Variants in SKOR2 observed in about 807,000 individuals in gnomAD.
The protein encoded by SKOR2 is SKI family transcriptional corepressor 2.
SKOR2 carries 47 observed loss-of-function variants against 69.1 expected under a neutral mutation model. The observed-to-expected ratio is 0.68, with a 90% CI of 0.54 to 0.87. The LOEUF (loss-of-function observed/expected upper bound fraction) is 0.87, where lower values mean the gene tolerates loss of function less well. Among genes scored for constraint, SKOR2 ranks in the 40% least tolerant of loss-of-function variants. The pLI is 0.00. For synonymous variants in SKOR2, 717 were observed against 672.6 expected, an observed-to-expected ratio of 1.07 and a Z score of -1.02; for missense variants, 1,404 against 1,472.2, an observed-to-expected ratio of 0.95 and a Z score of 0.76.
intron 1 of SKOR2, among the ~76,000 whole-genome samples, chr18:47,250,771 G>A (rs976974998): frequency 6.6e-6 from 1 of 152,142 alleles, no homozygotes. Flanking sequence ...GTCACTTTGG[G>A]TGGATCAGAG....
chr18:47,219,163 T>C (rs1355188894), intron 7 of SKOR2, among the ~76,000 whole-genome samples: 1 of 152,220 alleles, frequency 6.6e-6, no homozygotes, highest in Admixed American at 6.5e-5. Flanking sequence ...ATGCTGAGAA[T>C]AGCACTAAGG....
rs369016632 is a variant in SKOR2, at chr18:47,228,918, A to G, written c.2917+1541T>C. The stretch of plus-strand genomic sequence containing the variant: ...CCCTGCAGGCATTCTCTGAATTCAA[A>G]ATAACTGAAGTACCATGAGCTCCAG... On this transcript the variant is annotated intron_variant, in intron 6 of 8. Transcript: ENST00000425639. 6.6e-5 allele frequency among the ~76,000 whole-genome samples: 10 copies of G among 152,338 alleles called. No individual in the cohort carries two copies. In the East Asian group the frequency reaches 1.2e-3, roughly 18 times the overall value.
intron 7 of SKOR2, among the ~76,000 whole-genome samples, chr18:47,214,731 G>T (rs1392650040): frequency 6.6e-6 from 1 of 152,040 alleles, no homozygotes; most frequent in Non-Finnish European, 1.5e-5. Flanking sequence ...AATTGATGGT[G>T]CTTCAGATTC....
intron 4 of SKOR2, among the ~76,000 whole-genome samples, chr18:47,240,880 C>T (rs552263140): frequency 2.0e-5 from 3 of 152,170 alleles, no homozygotes; most frequent in African/African-American, 7.2e-5. Flanking sequence ...AATTGCATAC[C>T]GACTTATCAG....
chr18:47,223,657 TA>T (rs1446592600), intron 6 of SKOR2, among the ~76,000 whole-genome samples: 8 of 152,246 alleles, frequency 5.3e-5, no homozygotes, highest in African/African-American at 1.9e-4. Flanking sequence ...AAAAAGGAAG[TA>T]AAAAATGTTG....
intron 4 of SKOR2, among the ~76,000 whole-genome samples, chr18:47,234,939 C>T (rs1233643113): frequency 2.7e-5 from 4 of 150,702 alleles, no homozygotes; most frequent in African/African-American, 9.8e-5. Context: ...GAAAATTATA[C>T]ATGGAAGAAG....
chr18:47,227,805 G>A (rs1414605756), intron 6 of SKOR2, among the ~76,000 whole-genome samples: 2 of 152,122 alleles, frequency 1.3e-5, no homozygotes, highest in South Asian at 2.1e-4. Flanking sequence ...TCTTCTAAGC[G>A]ACAGGAATTA....
At chr18:47,249,742 C>T (rs1437329574) in intron 1 of SKOR2, among the ~76,000 whole-genome samples, 1 of 152,124 alleles carries the variant, frequency 6.6e-6, no homozygotes, top group Non-Finnish European at 1.5e-5. Context: ...CTATGGTTTC[C>T]TTGGGGAAAT....
At chr18:47,226,153 T>A (rs1320347318) in intron 6 of SKOR2, among the ~76,000 whole-genome samples, 2 of 151,610 alleles carry the variant, frequency 1.3e-5, no homozygotes, top group Non-Finnish European at 2.9e-5. Context: ...TGGGAAGAAA[T>A]AAAAATGAAT....
intron 2 of SKOR2, among the ~76,000 whole-genome samples, 158 bp from the exon 3 acceptor site, chr18:47,245,719 A>G (rs1227105681): frequency 6.6e-6 from 1 of 151,462 alleles, no homozygotes; most frequent in Non-Finnish European, 1.5e-5. Context: ...TTTTACTTAA[A>G]TACATGTGTA....
In SKOR2 at chr18:47,249,216, G is replaced by T. The variant is rs1424063199; in HGVS notation, c.-33C>A. ...GCAGAACCCCGGGCCGAGCCCTACA[G>T]GTCTGCCTTGGACACTGGAAGGGAA... is the stretch of plus-strand genomic sequence containing the variant. On this transcript the variant is annotated 5_prime_UTR_variant, in exon 2 of 9. The change creates a new upstream start codon in the 5' untranslated region. Transcript: ENST00000425639. 4.6e-6 allele frequency: 7 copies of T among 1,523,432 alleles called. No homozygotes were observed. Among genetic ancestry groups the T allele is most frequent in the African/African-American group, 1.4e-5 (1 of 72,860 alleles). 94.4% of individuals were successfully genotyped at this position (1,523,432 alleles called of 1,614,324 possible).
chr18:47,230,339 C>A, intron 6 of SKOR2, 120 bp downstream of exon 6: 1 of 581,192 alleles, frequency 1.7e-6, no homozygotes, highest in African/African-American at 1.9e-5. Context: ...TTTAGGCAGA[C>A]CATGGGAAGA....
chr18:47,242,182 C>T (rs1490279445), intron 4 of SKOR2, among the ~76,000 whole-genome samples: 2 of 152,052 alleles, frequency 1.3e-5, no homozygotes, highest in Non-Finnish European at 2.9e-5. Context: ...ACAAACCCCT[C>T]TTAAAGCCAG....
In SKOR2 at chr18:47,248,093, G is replaced by A. The variant is rs1393210694; in HGVS notation, c.1091C>T (p.Ala364Val). The change falls in exon 2 of 9, where the codon GCG (alanine) becomes GTG (valine). Residue 364 changes from alanine to valine, a missense_variant. Physicochemically the swap from Ala to Val is moderately conservative, Grantham distance 64. Coordinates refer to ENST00000425639, the MANE Select transcript of SKOR2 (RefSeq NM_001278063.4). This position sits in a 1 kb window ranked among gnomAD's most constrained non-coding sequence, Gnocchi z 6.4. ...GGCVAGVGVG[A>V]GAGAGAGAGA... is the part of the protein sequence containing the mutation. ...TGCCCCGGCACCCGCCCCCGCGCCC[G>A]CGCCCACGCCCACGCCGGCCACACA... The A allele has an allele frequency of 1.4e-5, 19 of 1,369,228 alleles. No individual in the cohort carries two copies. The East Asian group carries it at 2.5e-4, about 18-fold the overall frequency. The allele number at this position is 1,369,228 out of a possible 1,614,324, so 84.8% of individuals were successfully genotyped here. A position where few individuals can be genotyped will look rare whatever the true frequency, so the allele number is the denominator to read the frequency against.
intron 4 of SKOR2, among the ~76,000 whole-genome samples, chr18:47,241,407 T>C (rs2064248160): frequency 6.6e-6 from 1 of 152,180 alleles, no homozygotes; most frequent in Non-Finnish European, 1.5e-5. Flanking sequence ...ATTCTCAGGA[T>C]CTGACCACAA....
At chr18:47,237,127 T>C (rs948573966) in intron 4 of SKOR2, among the ~76,000 whole-genome samples, 6 of 152,256 alleles carry the variant, frequency 3.9e-5, no homozygotes, top group Non-Finnish European at 7.3e-5. Context: ...AAATCCTTAG[T>C]TGTCATGACG....
rs569554955 is a variant in SKOR2 at position 47,227,083 on chromosome 18, G to A, written c.2917+3376C>T. On this transcript the variant is annotated intron_variant, in intron 6 of 8. Transcript: ENST00000425639. ...TCTGTTCCAGCAAGCGCAGAGACTT[G>A]CTTGTTTCTCTTCCTCCTCCCAACT... 5.3e-5 allele frequency among the ~76,000 whole-genome samples: 8 copies of A among 152,220 alleles called. No homozygotes were observed. In the South Asian group the frequency reaches 8.3e-4, roughly 16 times the overall value.
intron 4 of SKOR2, among the ~76,000 whole-genome samples, chr18:47,236,988 G>C (rs918350507): frequency 2.0e-5 from 3 of 152,134 alleles, no homozygotes; most frequent in Non-Finnish European, 4.4e-5. Flanking sequence ...TGAGGGCAGA[G>C]AGATCCTACC....
At chr18:47,215,998 A>T (rs2064142892) in intron 7 of SKOR2, among the ~76,000 whole-genome samples, 1 of 152,246 alleles carries the variant, frequency 6.6e-6, no homozygotes, top group Non-Finnish European at 1.5e-5. Context: ...GCATCATCAC[A>T]GTCTCAGCTC....
Sources: allele counts gnomAD v4.1 joint callset (sites outside exome capture counted in the v4.1 genomes callset), GRCh38; gene constraint gnomAD v4.1.1; non-coding constraint Gnocchi (gnomAD v3.1); transcripts MANE v1.5; gene names NCBI Gene and HGNC (gene_info 2026-07-23, HGNC 2026-07-21).